Variants in SYT1 observed in about 807,000 individuals in gnomAD.
The protein encoded by SYT1 is synaptotagmin 1.
Under a neutral mutation model 44.8 loss-of-function variants are expected in SYT1, and 8 were observed. That is an observed-to-expected ratio of 0.18 (90% CI 0.10 to 0.32). The LOEUF is 0.32. Ranked by LOEUF, SYT1 falls within the 10% of genes least tolerant of loss-of-function variation. The probability of loss-of-function intolerance (pLI) is 1.00; values close to 1 mark genes in which losing one functional copy is unlikely to be tolerated. For missense variants in SYT1, 286 were observed against 509.3 expected (o/e 0.56, Z 4.22); for synonymous variants, 154 against 188.8 (o/e 0.82, Z 1.51).
chr12:79,019,327 C>T (rs952888418), intron 2 of SYT1, among the ~76,000 whole-genome samples: 1 of 151,864 alleles, frequency 6.6e-6, no homozygotes, highest in Non-Finnish European at 1.5e-5. Context: ...TTAAAACTCT[C>T]GCAAAAATTT....
chr12:79,082,080 C>A lies in SYT1; in HGVS notation c.-18+34718C>A, dbSNP rs185213528. Among the ~76,000 whole-genome samples, 413 of 152,266 alleles carry A rather than the reference C, an allele frequency of 2.7e-3. 1 individual carries two copies. The highest frequency in any genetic ancestry group is 9.5e-3 in the African/African-American group (395 of 41,564). On this transcript the variant is annotated intron_variant, in intron 3 of 10. Coordinates refer to ENST00000261205, the MANE Select transcript of SYT1 (RefSeq NM_005639.3). ...AAGATGAATAATGTAGTAAGCTGGA[C>A]CTCAAATGCCCATCTATTGAAAGGC...
chr12:79,041,269 T>C (rs1234181186), intron 2 of SYT1, among the ~76,000 whole-genome samples: 1 of 152,202 alleles, frequency 6.6e-6, no homozygotes, highest in Non-Finnish European at 1.5e-5. Flanking sequence ...TGGAATGTTC[T>C]TCCATTTGTT....
chr12:78,998,273 A>C (rs1870507971), intron 2 of SYT1, among the ~76,000 whole-genome samples: 2 of 152,216 alleles, frequency 1.3e-5, no homozygotes, highest in South Asian at 4.1e-4. Flanking sequence ...AATTTAGCTG[A>C]AGGAACAGTT....
At chr12:79,308,250 C>T (rs1169805364) in intron 8 of SYT1, among the ~76,000 whole-genome samples, 1 of 152,102 alleles carries the variant, frequency 6.6e-6, no homozygotes, top group African/African-American at 2.4e-5. Context: ...AGAGGCAGGC[C>T]GCGGTGGCTC....
chr12:79,244,839 CTTTT>C (rs202170891), intron 4 of SYT1, among the ~76,000 whole-genome samples: 1 of 151,508 alleles, frequency 6.6e-6, no homozygotes, highest in Non-Finnish European at 1.5e-5. Flanking sequence ...TTTTGAACGG[CTTTT>C]TTTTAACTGA....
chr12:79,381,305 A>G (rs1021701661), intron 9 of SYT1, among the ~76,000 whole-genome samples: 4 of 152,218 alleles, frequency 2.6e-5, no homozygotes, highest in Non-Finnish European at 5.9e-5. Context: ...TAAACTTTGT[A>G]AAACTCTGTA....
In SYT1 at chr12:79,449,111, C is replaced by T; in HGVS notation, c.1256C>T (p.Ala419Val). 6.2e-7 allele frequency: 1 copy of T among 1,611,000 alleles called. No individual in the cohort carries two copies. ...GAGGAGGAAGTTGATGCCATGCTGGCCGTCAAGAAGTAAAGGAAAGAAGAA... is the reference window on the plus strand; with the variant it reads ...GAGGAGGAAGTTGATGCCATGCTGGTCGTCAAGAAGTAAAGGAAAGAAGAA... ...QVEEEVDAML[A>V]VKK The change falls in exon 11 of 11, where the codon GCC (alanine) becomes GTC (valine). Residue 419 changes from alanine (A) to valine (V), a missense_variant. Physicochemically the swap from Ala to Val is moderately conservative, Grantham distance 64 (BLOSUM62 0). This residue lies in a region of SYT1 where 34 missense variants were observed against 59.0 expected (regional missense o/e 0.58). Transcript: ENST00000261205.
Position 79,232,906 on chromosome 12 carries a change from G to T in SYT1, c.166+15221G>T, listed in dbSNP as rs11615819. 4.0e-3 allele frequency among the ~76,000 whole-genome samples: 609 copies of T among 152,212 alleles called. 2 individuals carry two copies. The highest frequency in any genetic ancestry group is 7.4e-3 in the Non-Finnish European group (502 of 68,002). The stretch of plus-strand genomic sequence containing the variant: ...ACATTCACTGTGAAGCTGAACCGAA[G>T]GTAGGCGACCTTCCAGAACCATTCT... On this transcript the variant is annotated intron_variant, in intron 4 of 10. Transcript: ENST00000261205.
intron 8 of SYT1, among the ~76,000 whole-genome samples, chr12:79,346,523 G>T (rs115068308): frequency 6.6e-6 from 1 of 152,046 alleles, no homozygotes; most frequent in African/African-American, 2.4e-5. Context: ...TAGTAATAAG[G>T]CCCCTTCATG....
intron 1 of SYT1, among the ~76,000 whole-genome samples, chr12:78,974,864 G>C (rs1483557494): frequency 4.6e-5 from 7 of 151,804 alleles, no homozygotes; most frequent in Non-Finnish European, 8.8e-5. Flanking sequence ...ATTCTTCAAA[G>C]AGCAACTAAA....
intron 3 of SYT1, among the ~76,000 whole-genome samples, chr12:79,198,964 A>T (rs1466931134): frequency 2.0e-5 from 3 of 152,166 alleles, no homozygotes; most frequent in Non-Finnish European, 4.4e-5. Context: ...AGCCCGCATG[A>T]ATTTTTGGAA....
intron 1 of SYT1, among the ~76,000 whole-genome samples, chr12:78,907,229 C>G (rs1876042195): frequency 6.6e-6 from 1 of 151,930 alleles, no homozygotes; most frequent in African/African-American, 2.4e-5. Flanking sequence ...AGTGGCAAAG[C>G]AGACAATTGA....
At chr12:79,243,265 G>A (rs1245809) in intron 4 of SYT1, among the ~76,000 whole-genome samples, 108,949 of 152,080 alleles carry the variant, frequency 0.72, 39,614 homozygotes, top group African/African-American at 0.8. Flanking sequence ...CCATTTTATC[G>A]TTTTTTCATG....
intron 2 of SYT1, among the ~76,000 whole-genome samples, chr12:79,017,167 A>G (rs1389233402): frequency 6.6e-6 from 1 of 152,180 alleles, no homozygotes; most frequent in African/African-American, 2.4e-5. Context: ...CTGCTTTATG[A>G]TAGGTAGATA....
chr12:78,901,459 AAAGGGAGGTC>A (rs1875660561), intron 1 of SYT1, among the ~76,000 whole-genome samples: 1 of 152,128 alleles, frequency 6.6e-6, no homozygotes, highest in Admixed American at 6.6e-5. Flanking sequence ...TGGAGACAGC[AAAGGGAGGTC>A]TTTTATATTT....
intron 8 of SYT1, among the ~76,000 whole-genome samples, chr12:79,312,698 T>A (rs535902582): frequency 2.0e-5 from 3 of 152,196 alleles, no homozygotes; most frequent in South Asian, 2.1e-4. Context: ...TATTTTTTCC[T>A]TTTTTCTTCA....
intron 3 of SYT1, among the ~76,000 whole-genome samples, chr12:79,107,386 A>G (rs530122834): frequency 1.2e-3 from 178 of 152,084 alleles, no homozygotes; most frequent in African/African-American, 4.1e-3. Flanking sequence ...GCATGAAAAA[A>G]TGTAGTACAA....
intron 3 of SYT1, among the ~76,000 whole-genome samples, chr12:79,132,680 A>C: frequency 8.2e-6 from 1 of 122,454 alleles, no homozygotes; most frequent in Non-Finnish European, 1.9e-5. Flanking sequence ...TTCTCAAAAA[A>C]AAAAAAAAAA....
chr12:79,048,247 A>G (rs1874217194), intron 3 of SYT1, among the ~76,000 whole-genome samples: 1 of 151,842 alleles, frequency 6.6e-6, no homozygotes, highest in Non-Finnish European at 1.5e-5. Flanking sequence ...AACTAGAGTC[A>G]AGTTCAATGG....
Sources: gnomAD v4.1 joint callset for allele counts (sites outside exome capture counted in the v4.1 genomes callset) on GRCh38, gnomAD v4.1.1 for gene constraint, gnomAD v4.1.1 regional missense constraint, MANE v1.5 for transcripts, NCBI Gene and HGNC (gene_info 2026-07-23, HGNC 2026-07-21) for gene names.